Variants in NRXN1 observed in about 807,000 individuals in gnomAD.
The protein encoded by NRXN1 is neurexin-1.
In NRXN1, 39 loss-of-function variants were observed where a neutral mutation model predicts 150.9. The ratio of observed to expected loss-of-function variants is 0.26; its 90% CI spans 0.20 to 0.34. The LOEUF is 0.34. Ranked by LOEUF, NRXN1 falls within the 10% of genes least tolerant of loss-of-function variation. The pLI is 1.00. For synonymous variants in NRXN1, 924 were observed against 757.0 expected (o/e 1.22, Z -3.62); for missense variants, 1,815 against 1,949.9 (o/e 0.93, Z 1.30).
intron 17 of NRXN1, among the ~76,000 whole-genome samples, chr2:50,268,859 GTCT>G (rs1269934118): frequency 1.3e-5 from 2 of 152,142 alleles, no homozygotes; most frequent in African/African-American, 4.8e-5. Flanking sequence ...CATAACCAAT[GTCT>G]TCTTTGTGCC....
chr2:50,137,174 C>A (rs1360626569), intron 18 of NRXN1, among the ~76,000 whole-genome samples: 1 of 152,034 alleles, frequency 6.6e-6, no homozygotes, highest in Non-Finnish European at 1.5e-5. Flanking sequence ...GATACCAAAA[C>A]ATCACAATCT....
chr2:49,976,203 T>G (rs950552946), intron 21 of NRXN1, among the ~76,000 whole-genome samples: 3 of 151,370 alleles, frequency 2.0e-5, no homozygotes, highest in African/African-American at 7.3e-5. Context: ...TTTTTTTTTT[T>G]TGTATTTTTA....
intron 17 of NRXN1, among the ~76,000 whole-genome samples, chr2:50,381,459 C>T (rs1008091385): frequency 2.7e-5 from 4 of 146,240 alleles, no homozygotes; most frequent in African/African-American, 5.0e-5. Flanking sequence ...GTTAGTTTTG[C>T]GAATAAACTG....
chr2:50,528,643 T>C lies in NRXN1; in HGVS notation c.2356A>G (p.Arg786Gly). ...VKLTVNLDCIRINCNSSKGPE... is the reference protein window; with the variant it reads ...VKLTVNLDCIGINCNSSKGPE... ...CACTTACTGGAATTACAGTTAATCCTGATACAATCTAGATGGGGAAGAATA... is the reference window on the plus strand; with the variant it reads ...CACTTACTGGAATTACAGTTAATCCCGATACAATCTAGATGGGGAAGAATA... The change falls in exon 12 of 23, where the codon AGG (arginine) becomes GGG (glycine). Residue 786 changes from arginine to glycine, a missense_variant. By Grantham distance (125) the Arg-to-Gly change is moderately radical (BLOSUM62 -2). This residue lies in a region of NRXN1 where 638 missense variants were observed against 652.6 expected (regional missense o/e 0.98). Transcript: ENST00000401669. 6.5e-7 allele frequency: 1 copy of C among 1,548,302 alleles called. No homozygotes were observed. The highest frequency in any genetic ancestry group is 1.4e-5 in the African/African-American group (1 of 73,312).
At chr2:50,980,693 C>T (rs536891388) in intron 2 of NRXN1, among the ~76,000 whole-genome samples, 2 of 152,120 alleles carry the variant, frequency 1.3e-5, no homozygotes, top group African/African-American at 4.8e-5. Context: ...TCCATAGATG[C>T]TAATGTAATT....
intron 17 of NRXN1, among the ~76,000 whole-genome samples, chr2:50,312,299 G>C (rs2075248497): frequency 6.6e-6 from 1 of 152,028 alleles, no homozygotes; most frequent in Non-Finnish European, 1.5e-5. Context: ...ATTGGAAGTT[G>C]AACAAAGATA....
chr2:50,498,918 A>G (rs1223043028), intron 13 of NRXN1, among the ~76,000 whole-genome samples: 1 of 152,160 alleles, frequency 6.6e-6, no homozygotes, highest in East Asian at 1.9e-4. Context: ...ACCTCTTTCC[A>G]TCATCCACAT....
intron 17 of NRXN1, among the ~76,000 whole-genome samples, chr2:50,307,148 C>G (rs1307576193): frequency 3.3e-5 from 5 of 152,142 alleles, no homozygotes; most frequent in African/African-American, 1.2e-4. Context: ...CCACGCCCAG[C>G]TAATTTTTGT....
intron 17 of NRXN1, among the ~76,000 whole-genome samples, chr2:50,270,050 G>A (rs866763591): frequency 1.3e-5 from 2 of 152,236 alleles, no homozygotes; most frequent in Middle Eastern, 6.8e-3. Flanking sequence ...CTCCGTTTCT[G>A]ACCAAAGTCT....
In NRXN1 at chr2:50,080,321, A is replaced by G. The variant is rs1386435629; in HGVS notation, c.3718+11002T>C. On this transcript the variant is annotated intron_variant, in intron 19 of 22. Coordinates refer to ENST00000401669, the MANE Select transcript of NRXN1 (RefSeq NM_001330078.2). Reference sequence around the variant, plus strand: ...ACTAATCTCTTATCATGTCTAATTTATACATTAAATTTTATCATAGGGATA... The same window carrying G: ...ACTAATCTCTTATCATGTCTAATTTGTACATTAAATTTTATCATAGGGATA... Among the ~76,000 whole-genome samples the G allele has an allele frequency of 3.3e-5, 5 of 152,134 alleles. 1 individual carries two copies. In the South Asian group the frequency reaches 1.0e-3, roughly 31 times the overall value.
At chr2:50,842,775 A>G (rs902577745) in intron 5 of NRXN1, among the ~76,000 whole-genome samples, 7 of 152,254 alleles carry the variant, frequency 4.6e-5, no homozygotes, top group African/African-American at 1.2e-4. Flanking sequence ...CATTGGTATT[A>G]GCAAGACCAA....
At chr2:50,080,510 C>T (rs1697798493) in intron 19 of NRXN1, among the ~76,000 whole-genome samples, 3 of 151,998 alleles carry the variant, frequency 2.0e-5, no homozygotes. Context: ...ATATTGGACA[C>T]AGTTATTTCA....
Position 50,497,473 on chromosome 2 carries a change from C to T in NRXN1, c.2739G>A (p.Ser913=), listed in dbSNP as rs200049280. The change falls in exon 14 of 23, where the codon TCG becomes TCA. Residue 913 remains serine (S), a synonymous_variant. Coordinates refer to ENST00000401669, the MANE Select transcript of NRXN1 (RefSeq NM_001330078.2). The part of the protein sequence containing the change: ...IADPVTFKTK[S]SYVALATLQA... Reference sequence around the variant, plus strand: ...GCAAGGTAGCTAAGGCAACATAGCTCGATTTGGTCTTGAAGGTGACAGGAT... The same window carrying T: ...GCAAGGTAGCTAAGGCAACATAGCTTGATTTGGTCTTGAAGGTGACAGGAT... 1.4e-5 allele frequency: 23 copies of T among 1,613,672 alleles called. No individual in the cohort carries two copies. Among genetic ancestry groups the T allele is most frequent in the East Asian group, 4.5e-5 (2 of 44,866 alleles).
Position 50,546,889 on chromosome 2 carries a change from G to A in NRXN1, c.1759+5698C>T, listed in dbSNP as rs559647614. Among the ~76,000 whole-genome samples the A allele has an allele frequency of 4.6e-5, 7 of 152,280 alleles. 1 individual carries two copies. The South Asian group carries it at 1.5e-3, about 32-fold the overall frequency. ...TAACAGGCTACTAGGCAGAGGCATG[G>A]GAGGAACATTTACAGTCAGAGGGCA... On this transcript the variant is annotated intron_variant, in intron 9 of 22. Transcript: ENST00000401669.
At chr2:49,954,398 G>A (rs1674050743) in intron 21 of NRXN1, among the ~76,000 whole-genome samples, 1 of 152,080 alleles carries the variant, frequency 6.6e-6, no homozygotes, top group African/African-American at 2.4e-5. Flanking sequence ...CAGACTCAGG[G>A]ATACTTGAGC....
intron 8 of NRXN1, chr2:50,554,499 A>T (rs1363821193): frequency 6.6e-6 from 1 of 152,190 alleles, no homozygotes; most frequent in Non-Finnish European, 1.5e-5. Context: ...CTGAAAGGAA[A>T]ATAATACTTC....
intron 8 of NRXN1, among the ~76,000 whole-genome samples, chr2:50,600,455 G>A (rs1215771570): frequency 6.6e-6 from 1 of 151,492 alleles, no homozygotes; most frequent in Non-Finnish European, 1.5e-5. Flanking sequence ...TTCCCGAGTA[G>A]CTGGGATTAC....
At chr2:50,855,575 C>T (rs1271659133) in intron 5 of NRXN1, among the ~76,000 whole-genome samples, 1 of 151,996 alleles carries the variant, frequency 6.6e-6, no homozygotes, top group African/African-American at 2.4e-5. Context: ...TGAGAAATGA[C>T]TAACCCAGTA....
At chr2:50,812,740 G>GTGTGTGTGTGTGTA (rs982227794) in intron 5 of NRXN1, among the ~76,000 whole-genome samples, 1 of 149,530 alleles carries the variant, frequency 6.7e-6, no homozygotes, top group African/African-American at 2.5e-5. Flanking sequence ...GTGTGTGTGT[G>GTGTGTGTGTGTGTA]TGAGCGCATG....
Sources: allele counts gnomAD v4.1 joint callset (sites outside exome capture counted in the v4.1 genomes callset), GRCh38; gene constraint gnomAD v4.1.1; regional missense constraint gnomAD v4.1.1; transcripts MANE v1.5; gene names NCBI Gene and HGNC (gene_info 2026-07-23, HGNC 2026-07-21).